Variants in GRIK4 observed in about 807,000 individuals in gnomAD.
GRIK4 encodes the protein glutamate receptor ionotropic, kainate 4.
Under a neutral mutation model 104.9 loss-of-function variants are expected in GRIK4, and 40 were observed. The ratio of observed to expected loss-of-function variants is 0.38; its 90% CI spans 0.30 to 0.50. The LOEUF (loss-of-function observed/expected upper bound fraction) is 0.50, where lower values mean the gene tolerates loss of function less well. GRIK4 is among the 20% of genes least tolerant of loss of function. The pLI is 0.93. For synonymous variants in GRIK4, 485 were observed against 524.9 expected (o/e 0.92, Z 1.04); for missense variants, 1,047 against 1,308.1 (o/e 0.80, Z 3.08).
intron 1 of GRIK4, among the ~76,000 whole-genome samples, chr11:120,602,918 G>A (rs1351467558): frequency 6.6e-6 from 1 of 152,140 alleles, no homozygotes; most frequent in South Asian, 2.1e-4. Context: ...GCCTAGGTTG[G>A]TCTCGAACTC....
At chr11:120,576,787 G>T (rs1948490752) in intron 1 of GRIK4, among the ~76,000 whole-genome samples, 1 of 152,178 alleles carries the variant, frequency 6.6e-6, no homozygotes, top group African/African-American at 2.4e-5. Context: ...CCATAGAGGA[G>T]CCTGTGTTCC....
rs145945778 is a variant in GRIK4, at chr11:120,646,370, G to A, written c.-158-7315G>A. On this transcript the variant is annotated intron_variant, in intron 1 of 20. Coordinates refer to ENST00000527524, the MANE Select transcript of GRIK4 (RefSeq NM_014619.5). ...CCAAGTCACATGACTGGTAGGTAGCGGCACCCAGGCTCTGGGAGCTCTGTT... is the reference window on the plus strand; with the variant it reads ...CCAAGTCACATGACTGGTAGGTAGCAGCACCCAGGCTCTGGGAGCTCTGTT... Among the ~76,000 whole-genome samples, 270 of 152,294 alleles carry A rather than the reference G, an allele frequency of 1.8e-3. 1 individual carries two copies. The highest frequency in any genetic ancestry group is 6.3e-3 in the African/African-American group (260 of 41,552).
chr11:120,783,599 A>G (rs1952205861), intron 3 of GRIK4, among the ~76,000 whole-genome samples: 2 of 152,130 alleles, frequency 1.3e-5, no homozygotes, highest in Non-Finnish European at 2.9e-5. Context: ...GCTCCACTAA[A>G]TGAAATTTAC....
At chr11:120,534,346 T>A (rs766471870) in intron 1 of GRIK4, among the ~76,000 whole-genome samples, 1 of 151,990 alleles carries the variant, frequency 6.6e-6, no homozygotes, top group Non-Finnish European at 1.5e-5. Flanking sequence ...GATATCTATG[T>A]GGAATTGAGT....
At chr11:120,558,349 A>C (rs910475506) in intron 1 of GRIK4, among the ~76,000 whole-genome samples, 2 of 152,210 alleles carry the variant, frequency 1.3e-5, no homozygotes, top group Non-Finnish European at 2.9e-5. Flanking sequence ...GCACTTTGGG[A>C]GGCCGAGGTG....
rs1010359436 is a variant in GRIK4, at chr11:120,517,412, G to A, written c.-159+5525G>A. 1.1e-4 allele frequency among the ~76,000 whole-genome samples: 16 copies of A among 148,838 alleles called. 1 individual carries two copies. The highest frequency in any genetic ancestry group is 3.6e-4 in the African/African-American group (14 of 39,388). The stretch of plus-strand genomic sequence containing the variant: ...CTCAGTGTCCAGCCTCTTGGTGCCC[G>A]CTTGTGTTGTCAAAGTGAGGCTGGC... On this transcript the variant is annotated intron_variant, in intron 1 of 20. Coordinates refer to ENST00000527524, the MANE Select transcript of GRIK4 (RefSeq NM_014619.5).
intron 19 of GRIK4, among the ~76,000 whole-genome samples, chr11:120,981,452 A>G (rs1944650734): frequency 6.6e-6 from 1 of 152,180 alleles, no homozygotes; most frequent in African/African-American, 2.4e-5. Context: ...CTGTAAAAAT[A>G]CAGATTCCTG....
intron 10 of GRIK4, among the ~76,000 whole-genome samples, chr11:120,874,480 C>T (rs774108354): frequency 2.6e-5 from 4 of 152,160 alleles, no homozygotes; most frequent in Non-Finnish European, 5.9e-5. Flanking sequence ...TTAGTGGGCC[C>T]CTGAATTCCA....
Position 120,952,916 on chromosome 11 carries a change from T to C in GRIK4, c.1652T>C (p.Met551Thr). 2 of 1,614,056 alleles carry C rather than the reference T, an allele frequency of 1.2e-6. No homozygotes were observed. The highest frequency in any genetic ancestry group is 1.7e-6 in the Non-Finnish European group (2 of 1,179,984). Residue 551 changes from methionine (M) to threonine (T), a missense_variant, in exon 15 of 21, where the codon ATG (methionine) becomes ACG (threonine). Around this residue, in one of 3 missense-constraint regions of GRIK4, gnomAD observed 440 missense variants for 652.3 expected, o/e 0.67. Coordinates refer to ENST00000527524, the MANE Select transcript of GRIK4 (RefSeq NM_014619.5). The surrounding 1 kb of genome is among the most constrained non-coding windows in gnomAD (Gnocchi z 5.2). ...DPFSPGVWLF[M>T]LLAYLAVSCV... Reference sequence around the variant, plus strand: ...TTTTCTCCGGGCGTCTGGCTCTTCATGCTTCTAGCCTATCTGGCCGTCAGC... The same window carrying C: ...TTTTCTCCGGGCGTCTGGCTCTTCACGCTTCTAGCCTATCTGGCCGTCAGC...
At chr11:120,537,914 C>A (rs749741121) in intron 1 of GRIK4, among the ~76,000 whole-genome samples, 4 of 151,498 alleles carry the variant, frequency 2.6e-5, no homozygotes, top group Non-Finnish European at 4.4e-5. Context: ...AGAGGATAGA[C>A]CTAGAGTGGA....
At chr11:120,833,479 A>G (rs1953492358) in intron 7 of GRIK4, among the ~76,000 whole-genome samples, 1 of 152,128 alleles carries the variant, frequency 6.6e-6, no homozygotes, top group Admixed American at 6.5e-5. Flanking sequence ...GCTTCAGCTT[A>G]GTAGATAGAT....
chr11:120,620,031 G>T, intron 1 of GRIK4: 1 of 604,786 alleles, frequency 1.7e-6, no homozygotes. Flanking sequence ...TAGTGAACCT[G>T]TGTGTAAAAT....
At chr11:120,875,992 C>G (rs574736961) in intron 11 of GRIK4, among the ~76,000 whole-genome samples, 2 of 152,156 alleles carry the variant, frequency 1.3e-5, no homozygotes, top group African/African-American at 4.8e-5. Flanking sequence ...GGAAGCCAAG[C>G]ACTAAATACA....
chr11:120,578,495 A>G (rs1948517974), intron 1 of GRIK4, among the ~76,000 whole-genome samples: 1 of 152,178 alleles, frequency 6.6e-6, no homozygotes, highest in African/African-American at 2.4e-5. Context: ...TGAGGATACC[A>G]TTGCAACCTT....
intron 1 of GRIK4, among the ~76,000 whole-genome samples, chr11:120,646,237 A>T (rs1949541059): frequency 6.6e-6 from 1 of 152,238 alleles, no homozygotes; most frequent in South Asian, 2.1e-4. Context: ...ATTTGCAGGC[A>T]TACTGCTAAG....
At chr11:120,601,126 C>T (rs1479804042) in intron 1 of GRIK4, among the ~76,000 whole-genome samples, 3 of 152,004 alleles carry the variant, frequency 2.0e-5, no homozygotes, top group East Asian at 3.9e-4. Flanking sequence ...GGTCCAGGGG[C>T]TGGGTGTGGT....
chr11:120,599,076 C>T (rs1359282710), intron 1 of GRIK4, among the ~76,000 whole-genome samples: 1 of 152,220 alleles, frequency 6.6e-6, no homozygotes, highest in Non-Finnish European at 1.5e-5. Flanking sequence ...AGCTCCTGGT[C>T]CTGTAAACTA....
chr11:120,820,069 A>T (rs772036891), intron 6 of GRIK4, 149 bp downstream of exon 6: 3 of 669,800 alleles, frequency 4.5e-6, no homozygotes, highest in Non-Finnish European at 7.9e-6. Context: ...GGGCATTCCC[A>T]TGCTCATGTG....
At chr11:120,634,219 T>C (rs1170146715) in intron 1 of GRIK4, among the ~76,000 whole-genome samples, 1 of 152,194 alleles carries the variant, frequency 6.6e-6, no homozygotes, top group Non-Finnish European at 1.5e-5. Flanking sequence ...TCTGGTGCCC[T>C]GTGTTTCCTG....
Sources: gnomAD v4.1 joint callset for allele counts (sites outside exome capture counted in the v4.1 genomes callset) on GRCh38, gnomAD v4.1.1 for gene constraint, gnomAD v4.1.1 regional missense constraint, Gnocchi (gnomAD v3.1) non-coding constraint, MANE v1.5 for transcripts, NCBI Gene and HGNC (gene_info 2026-07-23, HGNC 2026-07-21) for gene names.